The following GOSR1 variants were observed in gnomAD, a reference collection of about 807,000 sequenced individuals.
The protein encoded by GOSR1 is golgi SNAP receptor complex member 1.
Under a neutral mutation model 35.5 loss-of-function variants are expected in GOSR1, and 21 were observed. The observed-to-expected ratio is 0.59, with a 90% CI of 0.42 to 0.85. The LOEUF (loss-of-function observed/expected upper bound fraction) is 0.85. GOSR1 is among the 40% of genes least tolerant of loss of function. The pLI, the probability that GOSR1 is intolerant of heterozygous loss-of-function variation, is 0.00. For missense variants in GOSR1, 285 were observed against 309.6 expected (o/e 0.92, Z 0.60); for synonymous variants, 94 against 106.6 (o/e 0.88, Z 0.73).
In GOSR1 at chr17:30,504,474, C is replaced by A. The variant is rs190173284; in HGVS notation, c.510-6406C>A. ...ATTTCAGTGACCATTTATCCTTTTA[C>A]GAAAACCTATTCTATGAAAATCCAA... On this transcript the variant is annotated intron_variant, in intron 6 of 8. Coordinates refer to ENST00000451249, the MANE Select transcript of GOSR1 (RefSeq NM_001007025.2). Among the ~76,000 whole-genome samples the A allele has an allele frequency of 3.7e-4, 57 of 152,230 alleles. No homozygotes were observed. In the East Asian group the frequency reaches 9.4e-3, roughly 25 times the overall value.
rs1326772228 is a variant in GOSR1, at chr17:30,510,893, A to G, written c.523A>G (p.Ile175Val). The G allele has an allele frequency of 6.5e-7, 1 of 1,548,482 alleles. No individual in the cohort carries two copies. Among genetic ancestry groups the G allele is most frequent in the Admixed American group, 1.7e-5 (1 of 58,610 alleles). ...HDHLRNSDRLIEETISIAMAT... is the reference protein window; with the variant it reads ...HDHLRNSDRLVEETISIAMAT... ...TTTTATTTGCAGCTCAGATCGTCTGATAGAAGAGACAATAAGGTAGGAATA... is the reference window on the plus strand; with the variant it reads ...TTTTATTTGCAGCTCAGATCGTCTGGTAGAAGAGACAATAAGGTAGGAATA... The change falls in exon 7 of 9, where the codon ATA (isoleucine) becomes GTA (valine). Residue 175 changes from isoleucine to valine, a missense_variant. Physicochemically the swap from Ile to Val is conservative, Grantham distance 29. This residue lies in a region of GOSR1 where 168 missense variants were observed against 183.2 expected (regional missense o/e 0.92). Transcript: ENST00000451249.
chr17:30,478,083 T>A, intron 1 of GOSR1: 1 of 264,280 alleles, frequency 3.8e-6, no homozygotes. Flanking sequence ...ATTGAAAAAG[T>A]TGAGAGAACC....
chr17:30,511,785 C>A (rs571095573), intron 7 of GOSR1, among the ~76,000 whole-genome samples: 1 of 152,270 alleles, frequency 6.6e-6, no homozygotes, highest in South Asian at 2.1e-4. Context: ...TCCACCTTGG[C>A]CTCCTAAAGT....
chr17:30,478,085 G>A, intron 1 of GOSR1: 1 of 254,442 alleles, frequency 3.9e-6, no homozygotes, highest in Middle Eastern at 2.1e-3. Flanking sequence ...TGAAAAAGTT[G>A]AGAGAACCTG....
At chr17:30,509,708 A>C (rs1323846375) in intron 6 of GOSR1, among the ~76,000 whole-genome samples, 1 of 152,070 alleles carries the variant, frequency 6.6e-6, no homozygotes, top group East Asian at 1.9e-4. Flanking sequence ...CTTTCTTTCC[A>C]GTGTGTGCTG....
chr17:30,519,630 A>G (rs1967953344), intron 7 of GOSR1: 1 of 198,062 alleles, frequency 5.0e-6, no homozygotes, highest in African/African-American at 2.3e-5. Context: ...AAGTTTTTAA[A>G]CTTTAAATTT....
chr17:30,508,623 C>T (rs1213538729), intron 6 of GOSR1, among the ~76,000 whole-genome samples: 3 of 152,160 alleles, frequency 2.0e-5, no homozygotes, highest in Non-Finnish European at 4.4e-5. Context: ...AGAGTAAGTG[C>T]ATAGTTAATA....
At chr17:30,516,469 C>CAAAAAAAAAAAA (rs370736848) in intron 7 of GOSR1, among the ~76,000 whole-genome samples, 2 of 111,236 alleles carry the variant, frequency 1.8e-5, no homozygotes, top group African/African-American at 4.3e-5. Context: ...GACTCCGTCT[C>CAAAAAAAAAAAA]AAACAAAAAA....
At chr17:30,508,027 G>A (rs1315370681) in intron 6 of GOSR1, among the ~76,000 whole-genome samples, 4 of 152,134 alleles carry the variant, frequency 2.6e-5, no homozygotes, top group Non-Finnish European at 5.9e-5. Context: ...AGCATCTTAT[G>A]GTACAGAGAA....
chr17:30,490,378 C>A, intron 5 of GOSR1, 161 bp downstream of exon 5: 1 of 494,302 alleles, frequency 2.0e-6, no homozygotes, highest in South Asian at 2.9e-5. Flanking sequence ...ACAATGTCAT[C>A]CTAATCTACT....
intron 7 of GOSR1, 31 bp downstream of exon 7, chr17:30,510,940 GT>G (rs1182148906): frequency 3.0e-6 from 4 of 1,342,226 alleles, no homozygotes; most frequent in Non-Finnish European, 4.3e-6. Context: ...TGCTTTGTTG[GT>G]TTTTGTTTGT....
rs977758559 is a variant in GOSR1 at position 30,477,808 on chromosome 17, A to G, written c.31+344A>G. Reference sequence around the variant, plus strand: ...GCTTGGGGTACGAACTCTGAGAGGAAACGAATGTTGAGGGAGAAGATCCAG... The same window carrying G: ...GCTTGGGGTACGAACTCTGAGAGGAGACGAATGTTGAGGGAGAAGATCCAG... On this transcript the variant is annotated intron_variant, in intron 1 of 8. Transcript: ENST00000451249. 4.1e-6 allele frequency: 4 copies of G among 985,190 alleles called. No individual in the cohort carries two copies. In the African/African-American group the frequency reaches 7.0e-5, roughly 17 times the overall value. 61.0% of individuals were successfully genotyped at this position (985,190 alleles called of 1,614,324 possible).
chr17:30,502,654 C>T (rs1967252583), intron 6 of GOSR1, among the ~76,000 whole-genome samples: 1 of 152,122 alleles, frequency 6.6e-6, no homozygotes, highest in Non-Finnish European at 1.5e-5. Flanking sequence ...TGCTAAACAA[C>T]CCATGAACAA....
At chr17:30,494,748 C>T (rs1332874603) in intron 6 of GOSR1, among the ~76,000 whole-genome samples, 2 of 151,644 alleles carry the variant, frequency 1.3e-5, no homozygotes, top group South Asian at 2.1e-4. Flanking sequence ...GCTGGGACTA[C>T]AGGCACCTGC....
At position 30,522,396 on chromosome 17, in the gene GOSR1, C is replaced by G; in HGVS notation, c.*18C>G. On this transcript the variant is annotated 3_prime_UTR_variant, in exon 9 of 9. Coordinates refer to ENST00000451249, the MANE Select transcript of GOSR1 (RefSeq NM_001007025.2). Reference sequence around the variant, plus strand: ...TCCATTGATGGGACATCTTCAGGGACTCTTGACAGCCACCGCTTTCACACC... The same window carrying G: ...TCCATTGATGGGACATCTTCAGGGAGTCTTGACAGCCACCGCTTTCACACC... The G allele has an allele frequency of 6.5e-6, 10 of 1,539,138 alleles. No homozygotes were observed. Among genetic ancestry groups the G allele is most frequent in the Non-Finnish European group, 7.9e-6 (9 of 1,139,150 alleles).
rs553099858 is a variant in GOSR1 at position 30,504,046 on chromosome 17, A to C, written c.510-6834A>C. On this transcript the variant is annotated intron_variant, in intron 6 of 8. Transcript: ENST00000451249. ...TTTAACTTTTTTTTTTTTTTTTTTG[A>C]GTCAGGGTCGTGCTCTGTCGCCCAG... 1.7e-3 allele frequency among the ~76,000 whole-genome samples: 205 copies of C among 119,026 alleles called. 1 individual carries two copies. Among genetic ancestry groups the C allele is most frequent in the African/African-American group, 6.4e-3 (194 of 30,498 alleles). 78.1% of individuals were successfully genotyped at this position (119,026 alleles called of 152,430 possible).
At position 30,508,741 on chromosome 17, in the gene GOSR1, CACTT is replaced by C. The variant is rs199615887; in HGVS notation, c.510-2135_510-2132del. Among the ~76,000 whole-genome samples the C allele has an allele frequency of 5.5e-3, 842 of 152,286 alleles. 5 individuals are homozygous for C. Among genetic ancestry groups the C allele is most frequent in the African/African-American group, 0.019 (798 of 41,558 alleles). ...GAAACTAATAGCAAAAAATACTTGA[CACTT>C]ACTGTGTGCCAGGTACTGATCCAAT... On this transcript the variant is annotated intron_variant, in intron 6 of 8. Coordinates refer to ENST00000451249, the MANE Select transcript of GOSR1 (RefSeq NM_001007025.2).
chr17:30,480,466 T>C (rs1022048590), intron 1 of GOSR1, among the ~76,000 whole-genome samples: 6 of 152,214 alleles, frequency 3.9e-5, no homozygotes, highest in African/African-American at 1.4e-4. Context: ...ATGCTGGTCA[T>C]AAACCATATT....
At chr17:30,507,189 A>T (rs1263112800) in intron 6 of GOSR1, among the ~76,000 whole-genome samples, 1 of 152,216 alleles carries the variant, frequency 6.6e-6, no homozygotes, top group African/African-American at 2.4e-5. Flanking sequence ...TAAAGCTGCC[A>T]TAGATAGTTA....
Sources: allele counts gnomAD v4.1 joint callset (sites outside exome capture counted in the v4.1 genomes callset), GRCh38; gene constraint gnomAD v4.1.1; regional missense constraint gnomAD v4.1.1; transcripts MANE v1.5; gene names NCBI Gene and HGNC (gene_info 2026-07-23, HGNC 2026-07-21).